The following MIOS variants were observed in gnomAD, a reference collection of about 807,000 sequenced individuals.
MIOS encodes the protein meiosis regulator for oocyte development.
A neutral mutation model predicts 96.9 loss-of-function variants in MIOS; 52 were observed. The observed-to-expected ratio is 0.54, with a 90% CI of 0.43 to 0.68. MIOS has a LOEUF of 0.68. Ranked by LOEUF, MIOS falls within the 30% of genes least tolerant of loss-of-function variation. The pLI is 0.00. For missense variants in MIOS, 1,005 were observed against 1,052.8 expected, an observed-to-expected ratio of 0.95 and a Z score of 0.63; for synonymous variants, 397 against 359.5, an observed-to-expected ratio of 1.10 and a Z score of -1.18.
intron 9 of MIOS, among the ~76,000 whole-genome samples, chr7:7,593,548 C>T (rs1784108657): frequency 6.6e-6 from 1 of 151,970 alleles, no homozygotes; most frequent in Admixed American, 6.6e-5. Flanking sequence ...CTCCTTTCTC[C>T]ATTATGTAAA....
chr7:7,579,249 G>C (rs904769282), intron 5 of MIOS, among the ~76,000 whole-genome samples: 1 of 152,028 alleles, frequency 6.6e-6, no homozygotes, highest in African/African-American at 2.4e-5. Flanking sequence ...TGATAATTCT[G>C]ATAATCAACT....
intron 9 of MIOS, among the ~76,000 whole-genome samples, chr7:7,594,335 C>G (rs1449920254): frequency 6.7e-6 from 1 of 149,730 alleles, no homozygotes; most frequent in Non-Finnish European, 1.5e-5. Context: ...TAAATGGAGT[C>G]TCATTCTGTC....
At chr7:7,606,109 A>T (rs1400578897) in intron 12 of MIOS, 38 bp downstream of exon 12, 3 of 1,609,546 alleles carry the variant, frequency 1.9e-6, no homozygotes, top group Non-Finnish European at 2.5e-6. Flanking sequence ...GCTTGGAGTT[A>T]TGGGGGATAA....
At position 7,573,567 on chromosome 7, in the gene MIOS, A is replaced by G. The variant is rs200754045; in HGVS notation, c.1092A>G (p.Thr364=). The change falls in exon 4 of 13, where the codon ACA becomes ACG. Residue 364 remains threonine, a synonymous_variant. Coordinates refer to ENST00000340080, the MANE Select transcript of MIOS (RefSeq NM_019005.4). This position sits in a 1 kb window ranked among gnomAD's most constrained non-coding sequence, Gnocchi z 5.0. ...TATCTCTTGCCTGGAGCCCAATTAC[A>G]TCTTTAATGTGGGCTTGTGGTCGTC... The part of the protein sequence containing the change: ...ERISLAWSPI[T]SLMWACGRHL... The G allele has an allele frequency of 3.7e-6, 6 of 1,614,094 alleles. No homozygotes were observed. Among genetic ancestry groups the G allele is most frequent in the Admixed American group, 3.3e-5 (2 of 60,026 alleles).
At chr7:7,594,299 T>C (rs1472062943) in intron 9 of MIOS, among the ~76,000 whole-genome samples, 2 of 133,316 alleles carry the variant, frequency 1.5e-5, no homozygotes, top group Non-Finnish European at 3.3e-5. Flanking sequence ...GCAATTTTGG[T>C]GTGCATTTGG....
chr7:7,598,366 T>C (rs1401008225), intron 11 of MIOS, among the ~76,000 whole-genome samples: 1 of 152,198 alleles, frequency 6.6e-6, no homozygotes, highest in Admixed American at 6.5e-5. Flanking sequence ...ATGAAAGACT[T>C]GCTGGTATCA....
chr7:7,575,520 C>T (rs2115363925), intron 5 of MIOS, among the ~76,000 whole-genome samples: 1 of 152,164 alleles, frequency 6.6e-6, no homozygotes, highest in Non-Finnish European at 1.5e-5. Context: ...CTGTTTTACT[C>T]CCACAAATGA....
At chr7:7,581,420 G>A (rs7791344) in intron 5 of MIOS, among the ~76,000 whole-genome samples, 146,838 of 152,310 alleles carry the variant, frequency 0.96, 70,837 homozygotes, top group East Asian at 1. Context: ...CAGAATGACT[G>A]TAGCTAAATT....
Position 7,595,045 on chromosome 7 carries a change from A to G in MIOS, c.2109A>G (p.Leu703=). The G allele has an allele frequency of 2.5e-6, 4 of 1,613,860 alleles. No homozygotes were observed. The South Asian group carries it at 3.3e-5, about 13-fold the overall frequency. ...ACTGGATTGAGAATTATAGAAATTT[A>G]TTAGATGCCTGGAGGTTTTGGCATA... The part of the protein sequence containing the change: ...VQYWIENYRN[L]LDAWRFWHKR... The change falls in exon 10 of 13, where the codon TTA becomes TTG. Residue 703 remains leucine (L), a synonymous_variant. Transcript: ENST00000340080.
chr7:7,589,973 A>G (rs1296041470), intron 9 of MIOS, among the ~76,000 whole-genome samples: 2 of 152,058 alleles, frequency 1.3e-5, no homozygotes, highest in East Asian at 1.9e-4. Context: ...TCTTTTTATT[A>G]TCATTGGGGG....
chr7:7,582,255 G>A (rs1783754433), intron 5 of MIOS, among the ~76,000 whole-genome samples: 1 of 152,100 alleles, frequency 6.6e-6, no homozygotes, highest in Non-Finnish European at 1.5e-5. Context: ...TCATAATTTA[G>A]TTTATTCTGA....
intron 9 of MIOS, among the ~76,000 whole-genome samples, chr7:7,589,941 A>G (rs1327542608): frequency 6.6e-6 from 1 of 152,136 alleles, no homozygotes. Context: ...TAGTTATACC[A>G]CAGCTCTCAG....
chr7:7,605,994 C>T lies in MIOS; in HGVS notation c.2454C>T (p.Ala818=), dbSNP rs558642329. 1 of 1,613,580 alleles carries T rather than the reference C, an allele frequency of 6.2e-7. No individual in the cohort carries two copies. Among genetic ancestry groups the T allele is most frequent in the South Asian group, 1.1e-5 (1 of 91,054 alleles). The stretch of plus-strand genomic sequence containing the variant: ...ACTTGAGCAAGGACAAAAAATTAGC[C>T]CAATTTAACAACTGGTTTACATGGT... ...KVDLSKDKKL[A]QFNNWFTWCH... is the part of the protein sequence containing the mutation. Residue 818 remains alanine, a synonymous_variant, in exon 12 of 13, where the codon GCC becomes GCT. Transcript: ENST00000340080.
At chr7:7,582,928 C>G in intron 5 of MIOS, 190 bp from the exon 6 acceptor site, 2 of 628,538 alleles carry the variant, frequency 3.2e-6, no homozygotes, top group Non-Finnish European at 5.0e-6. Context: ...TTTGCTAACT[C>G]AAGGAGCTAC....
At position 7,589,474 on chromosome 7, in the gene MIOS, A is replaced by C; in HGVS notation, c.1954A>C (p.Thr652Pro). The C allele has an allele frequency of 6.2e-7, 1 of 1,613,746 alleles. No homozygotes were observed. The highest frequency in any genetic ancestry group is 8.5e-7 in the Non-Finnish European group (1 of 1,179,760). The change falls in exon 9 of 13, where the codon ACA becomes CCA. Residue 652 changes from threonine to proline, a missense_variant. Transcript: ENST00000340080. ...EAGNLEGILLTGLTKDGVDLM... is the reference protein window; with the variant it reads ...EAGNLEGILLPGLTKDGVDLM... Reference sequence around the variant, plus strand: ...TGGAAATTTGGAAGGAATTTTGCTTACAGGCCTTACTAAAGATGGAGTGGA... The same window carrying C: ...TGGAAATTTGGAAGGAATTTTGCTTCCAGGCCTTACTAAAGATGGAGTGGA...
rs777934015 is a variant in MIOS at position 7,596,298 on chromosome 7, C to T, written c.2238C>T (p.Tyr746=). 1 of 1,614,102 alleles carries T rather than the reference C, an allele frequency of 6.2e-7. No individual in the cohort carries two copies. The highest frequency in any genetic ancestry group is 8.5e-7 in the Non-Finnish European group (1 of 1,180,010). ...ATTTCTGTGGCAAGTCAATCTCCTA[C>T]AGCTGTTCAGCTGTGCCTCATCAGG... ...SCNFCGKSIS[Y]SCSAVPHQGR... The change falls in exon 11 of 13, where the codon TAC becomes TAT. Residue 746 remains tyrosine (Y), a synonymous_variant. Coordinates refer to ENST00000340080, the MANE Select transcript of MIOS (RefSeq NM_019005.4).
At chr7:7,567,228 G>A (rs975356989) in intron 1 of MIOS, 156 bp downstream of exon 1, 1 of 152,354 alleles carries the variant, frequency 6.6e-6, no homozygotes, top group African/African-American at 2.4e-5. Context: ...CCGCCTGGCC[G>A]GGCCTCAGCG....
At chr7:7,597,013 A>G (rs1324947765) in intron 11 of MIOS, among the ~76,000 whole-genome samples, 2 of 152,102 alleles carry the variant, frequency 1.3e-5, no homozygotes, top group East Asian at 3.9e-4. Context: ...TGAGCAAAAT[A>G]GTGAGACCCC....
rs185132667 is a variant in MIOS, at chr7:7,571,176, T to C, written c.-40-1260T>C. 8.5e-3 allele frequency among the ~76,000 whole-genome samples: 1,288 copies of C among 152,352 alleles called. 6 individuals are homozygous for C. Among genetic ancestry groups the C allele is most frequent in the Non-Finnish European group, 0.013 (882 of 68,042 alleles). The stretch of plus-strand genomic sequence containing the variant: ...ATGAAGATTTTAAGTATGTTCATTC[T>C]TTTTGAATCTATTACCTTTTGCCAG... On this transcript the variant is annotated intron_variant, in intron 3 of 12. Coordinates refer to ENST00000340080, the MANE Select transcript of MIOS (RefSeq NM_019005.4).
Sources: gnomAD v4.1 joint callset for allele counts (sites outside exome capture counted in the v4.1 genomes callset) on GRCh38, gnomAD v4.1.1 for gene constraint, Gnocchi (gnomAD v3.1) non-coding constraint, MANE v1.5 for transcripts, NCBI Gene and HGNC (gene_info 2026-07-23, HGNC 2026-07-21) for gene names.